KIAA1549: variants seen among roughly 807,000 people sequenced by gnomAD.
KIAA1549 encodes the protein UPF0606 protein KIAA1549.
A neutral mutation model predicts 156.4 loss-of-function variants in KIAA1549; 70 were observed. That is an observed-to-expected ratio of 0.45 (90% CI 0.37 to 0.55). KIAA1549 has a LOEUF of 0.55. Among genes scored for constraint, KIAA1549 ranks in the 20% least tolerant of loss-of-function variants. The pLI, the probability that KIAA1549 is intolerant of heterozygous loss-of-function variation, is 0.00. For missense variants in KIAA1549, 2,428 were observed against 2,540.9 expected (o/e 0.96, Z 0.96); for synonymous variants, 1,103 against 1,066.4 (o/e 1.03, Z -0.67).
chr7:138,913,232 C>G (rs530340737), intron 2 of KIAA1549, among the ~76,000 whole-genome samples: 3 of 152,122 alleles, frequency 2.0e-5, no homozygotes, highest in Non-Finnish European at 4.4e-5. Flanking sequence ...TGACATCTTC[C>G]TCTGTAAAAT....
rs1811766896 is a variant in KIAA1549, at chr7:138,898,988, A to G, written c.3814T>C (p.Leu1272=). The change falls in exon 9 of 20, where the codon TTG becomes CTG. Residue 1272 remains leucine, a synonymous_variant. Coordinates refer to ENST00000422774, the MANE Select transcript of KIAA1549 (RefSeq NM_001164665.2). The part of the protein sequence containing the change: ...KMDLQRAAII[L]GYRIQGVIAQ... ...ATGACACCTTGAATTCGGTAACCCA[A>G]GATGATGGCTGCTCTCTGGAGGTCC... is the stretch of plus-strand genomic sequence containing the variant. The G allele has an allele frequency of 6.2e-7, 1 of 1,613,882 alleles. No homozygotes were observed. The highest frequency in any genetic ancestry group is 8.5e-7 in the Non-Finnish European group (1 of 1,179,756).
At chr7:138,929,778 C>T (rs1477328679) in intron 1 of KIAA1549, among the ~76,000 whole-genome samples, 3 of 152,194 alleles carry the variant, frequency 2.0e-5, no homozygotes, top group African/African-American at 7.2e-5. Context: ...CACCCTTGAA[C>T]TCCTGGGCTC....
rs61734245 is a variant in KIAA1549 at position 138,916,769 on chromosome 7, C to G, written c.2857G>C (p.Asp953His). 1.2e-6 allele frequency: 2 copies of G among 1,613,800 alleles called. No homozygotes were observed. The highest frequency in any genetic ancestry group is 2.7e-5 in the African/African-American group (2 of 74,918). Residue 953 changes from aspartate to histidine, a missense_variant, in exon 2 of 20, where the codon GAT becomes CAT. Asp to His is a moderately conservative substitution (Grantham distance 81). Coordinates refer to ENST00000422774, the MANE Select transcript of KIAA1549 (RefSeq NM_001164665.2). ...TTACCAGTTGTGATCAGATAGGCAT[C>G]GGGGACTGTGATATCACAAACATAT... ...PPYVCDITVP[D>H]AYLITTVLAR...
intron 15 of KIAA1549, among the ~76,000 whole-genome samples, chr7:138,864,863 A>T (rs778237206): frequency 2.0e-5 from 3 of 152,192 alleles, no homozygotes; most frequent in Non-Finnish European, 4.4e-5. Context: ...TGTCACAACC[A>T]CTCAACTCTG....
chr7:138,851,563 T>G (rs1584702765), intron 17 of KIAA1549, among the ~76,000 whole-genome samples: 6 of 138,750 alleles, frequency 4.3e-5, no homozygotes, highest in Admixed American at 7.4e-5. Flanking sequence ...TGCCTGGGGG[T>G]GGGTGTGGGG....
chr7:138,968,460 T>G lies in KIAA1549; in HGVS notation c.187+12623A>C, dbSNP rs1814103090. Among the ~76,000 whole-genome samples, 4 of 152,204 alleles carry G rather than the reference T, an allele frequency of 2.6e-5. No individual in the cohort carries two copies. In the South Asian group the frequency reaches 8.3e-4, roughly 31 times the overall value. On this transcript the variant is annotated intron_variant, in intron 1 of 19. Transcript: ENST00000422774. ...GGCAATTCATTGCAGCAGCGATATA[T>G]ATTTTTAAACGGAAACAAACTAGAG...
At chr7:138,946,193 T>G (rs1169572235) in intron 1 of KIAA1549, among the ~76,000 whole-genome samples, 3 of 152,232 alleles carry the variant, frequency 2.0e-5, no homozygotes, top group African/African-American at 7.2e-5. Flanking sequence ...GTTGTTACAT[T>G]TACTGAGTGA....
intron 18 of KIAA1549, among the ~76,000 whole-genome samples, chr7:138,843,132 C>T (rs1464893761): frequency 2.6e-5 from 4 of 152,186 alleles, no homozygotes. Context: ...CTATGCTAGG[C>T]ACTATTTTGA....
intron 8 of KIAA1549, among the ~76,000 whole-genome samples, chr7:138,900,118 A>G (rs1469594042): frequency 6.6e-6 from 1 of 152,194 alleles, no homozygotes; most frequent in Non-Finnish European, 1.5e-5. Context: ...GTCCACACGT[A>G]TGGGTTTGTA....
intron 9 of KIAA1549, among the ~76,000 whole-genome samples, chr7:138,897,892 C>CAAAAAAAAAA (rs59242488): frequency 7.3e-5 from 2 of 27,478 alleles, no homozygotes; most frequent in African/African-American, 2.3e-4. Context: ...GACCCTTTCT[C>CAAAAAAAAAA]AAAAAAAAAA....
chr7:138,883,158 A>T (rs1584728487), intron 10 of KIAA1549, among the ~76,000 whole-genome samples: 2 of 146,666 alleles, frequency 1.4e-5, no homozygotes, highest in South Asian at 4.4e-4. Context: ...CTGTAATCCC[A>T]GCTACTCGGG....
Position 138,861,294 on chromosome 7 carries a change from C to A in KIAA1549, c.5092G>T (p.Val1698Leu). The A allele has an allele frequency of 6.2e-7, 1 of 1,608,140 alleles. No homozygotes were observed. ...HSLLDDAFAL[V>L]APSSQPASTA... ...CTGGCAGGCTGGCTGCTGGGGGCCA[C>A]GAGGGCAAAGGCGTCGTCCAGGAGG... Residue 1698 changes from valine (V) to leucine (L), a missense_variant, in exon 16 of 20, where the codon GTG (valine) becomes TTG (leucine). Val to Leu is a conservative substitution (Grantham distance 32). Coordinates refer to ENST00000422774, the MANE Select transcript of KIAA1549 (RefSeq NM_001164665.2).
chr7:138,853,661 C>T (rs543332599), intron 16 of KIAA1549, among the ~76,000 whole-genome samples: 1 of 152,296 alleles, frequency 6.6e-6, no homozygotes, highest in African/African-American at 2.4e-5. Flanking sequence ...TCTCTGCTTC[C>T]ATCCCCTTGG....
intron 6 of KIAA1549, 110 bp from the exon 7 acceptor site, chr7:138,905,191 G>A (rs1201720366): frequency 2.7e-6 from 2 of 748,994 alleles, no homozygotes; most frequent in East Asian, 2.7e-5. Flanking sequence ...AAATGTGAAA[G>A]AACAAAATGT....
intron 1 of KIAA1549, among the ~76,000 whole-genome samples, chr7:138,970,237 G>C (rs143367978): frequency 3.3e-5 from 5 of 151,956 alleles, no homozygotes; most frequent in Non-Finnish European, 2.9e-5. Flanking sequence ...TCTCAGCTTC[G>C]ACACCCTTTT....
In KIAA1549 at chr7:138,832,778, A is replaced by G. The variant is rs1156875350; in HGVS notation, c.*5128T>C. On this transcript the variant is annotated 3_prime_UTR_variant, in exon 20 of 20. Transcript: ENST00000422774. ...ACAAGCATGGACTTAGCAATGTACC[A>G]TGATGTTGCGATTTCCAAGTCATCT... 2.7e-5 allele frequency: 6 copies of G among 222,204 alleles called. No individual in the cohort carries two copies. Among genetic ancestry groups the G allele is most frequent in the Non-Finnish European group, 4.5e-5 (5 of 111,306 alleles). The allele number at this position is 222,204 out of a possible 1,614,324, so 13.8% of individuals were successfully genotyped here. A position where few individuals can be genotyped will look rare whatever the true frequency, so the allele number is the denominator to read the frequency against.
chr7:138,947,098 T>A (rs1380304948), intron 1 of KIAA1549, among the ~76,000 whole-genome samples: 1 of 152,194 alleles, frequency 6.6e-6, no homozygotes, highest in Non-Finnish European at 1.5e-5. Context: ...CTCCCTTCCA[T>A]TTTAAGTCCA....
chr7:138,896,925 C>T (rs188457055), intron 9 of KIAA1549, among the ~76,000 whole-genome samples: 3 of 152,110 alleles, frequency 2.0e-5, no homozygotes, highest in Non-Finnish European at 4.4e-5. Flanking sequence ...CCTAGGAAAA[C>T]CCTGATGAGG....
chr7:138,838,739 G>A (rs1339257127), intron 19 of KIAA1549, among the ~76,000 whole-genome samples: 2 of 151,998 alleles, frequency 1.3e-5, no homozygotes, highest in Admixed American at 6.6e-5. Context: ...ACTTAAATCT[G>A]CGTACTAAAA....
Sources: allele counts gnomAD v4.1 joint callset (sites outside exome capture counted in the v4.1 genomes callset), GRCh38; gene constraint gnomAD v4.1.1; transcripts MANE v1.5; gene names NCBI Gene and HGNC (gene_info 2026-07-23, HGNC 2026-07-21).